The following PCDH17 variants were observed in gnomAD, a reference collection of about 807,000 sequenced individuals.
PCDH17 encodes protocadherin 17, also known as protocadherin-17.
PCDH17 carries 21 observed loss-of-function variants against 67.7 expected under a neutral mutation model. The ratio of observed to expected loss-of-function variants is 0.31; its 90% CI spans 0.22 to 0.45. The LOEUF is 0.45. Ranked by LOEUF, PCDH17 falls within the 20% of genes least tolerant of loss-of-function variation. The pLI, the probability that PCDH17 is intolerant of heterozygous loss-of-function variation, is 1.00. For missense variants in PCDH17, 1,471 were observed against 1,564.8 expected, an observed-to-expected ratio of 0.94 and a Z score of 1.01; for synonymous variants, 701 against 656.7, an observed-to-expected ratio of 1.07 and a Z score of -1.03.
chr13:57,666,967 G>T, intron 3 of PCDH17, 134 bp downstream of exon 3: 1 of 675,586 alleles, frequency 1.5e-6, no homozygotes. Flanking sequence ...AAATCTTGAG[G>T]TTGCCCCAGA....
chr13:57,663,766 T>A (rs1261061211), intron 1 of PCDH17, among the ~76,000 whole-genome samples: 2 of 152,162 alleles, frequency 1.3e-5, no homozygotes, highest in African/African-American at 4.8e-5. Context: ...TTTGTGAAAT[T>A]CTATAATTAG....
rs1298581335 is a variant in PCDH17, at chr13:57,671,404, T to A, written c.2797+4571T>A. On this transcript the variant is annotated intron_variant, in intron 3 of 3. Coordinates refer to ENST00000377918, the MANE Select transcript of PCDH17 (RefSeq NM_001040429.3). ...GAAAATAAATATAGTATTAGTTCTG[T>A]AAAGAAGAGCTACCTATAGTTTTAT... 6.6e-5 allele frequency among the ~76,000 whole-genome samples: 10 copies of A among 151,872 alleles called. No homozygotes were observed. In the East Asian group the frequency reaches 1.9e-3, roughly 29 times the overall value.
intron 3 of PCDH17, among the ~76,000 whole-genome samples, chr13:57,723,299 T>C (rs976741372): frequency 6.6e-6 from 1 of 152,198 alleles, no homozygotes; most frequent in Non-Finnish European, 1.5e-5. Context: ...AATTGTTTTA[T>C]CTTAAAACCT....
rs369545682 is a variant in PCDH17, at chr13:57,633,926, C to A, written c.1380C>A (p.Ile460=). The A allele has an allele frequency of 6.2e-7, 1 of 1,613,454 alleles. No homozygotes were observed. Among genetic ancestry groups the A allele is most frequent in the South Asian group, 1.1e-5 (1 of 91,076 alleles). ...PPLNSTKSFA[I]KILDENDNPP... is the part of the protein sequence containing the mutation. ...TCAACTCCACCAAGTCGTTCGCGAT[C>A]AAGATTCTAGACGAGAACGACAACC... The change falls in exon 1 of 4, where the codon ATC becomes ATA. Residue 460 remains isoleucine (I), a synonymous_variant. Transcript: ENST00000377918. The surrounding 1 kb of genome is among the most constrained non-coding windows in gnomAD (Gnocchi z 6.2).
Position 57,634,469 on chromosome 13 carries a change from C to G in PCDH17, c.1923C>G (p.Ser641=), listed in dbSNP as rs1256652683. ...NDDHLFEIDP[S]SGEIRTLHPF... is the part of the protein sequence containing the mutation. ...ACCACCTGTTTGAGATCGACCCGTC[C>G]AGCGGCGAGATCCGCACGCTGCACC... is the stretch of plus-strand genomic sequence containing the variant. The change falls in exon 1 of 4, where the codon TCC becomes TCG. Residue 641 remains serine, a synonymous_variant. Transcript: ENST00000377918. The surrounding 1 kb of genome is among the most constrained non-coding windows in gnomAD (Gnocchi z 7.8). 1.2e-6 allele frequency: 2 copies of G among 1,612,866 alleles called. No individual in the cohort carries two copies. The highest frequency in any genetic ancestry group is 1.7e-4 in the Middle Eastern group (1 of 6,060).
chr13:57,683,130 C>T (rs1425040048), intron 3 of PCDH17, among the ~76,000 whole-genome samples: 1 of 151,748 alleles, frequency 6.6e-6, no homozygotes, highest in Non-Finnish European at 1.5e-5. Context: ...TCACAGTGGC[C>T]ATAGCCCATG....
intron 3 of PCDH17, among the ~76,000 whole-genome samples, chr13:57,672,682 T>C (rs1415456200): frequency 6.6e-6 from 1 of 152,018 alleles, no homozygotes; most frequent in Non-Finnish European, 1.5e-5. Flanking sequence ...ATCTTCCCTA[T>C]AACTGACACT....
chr13:57,650,820 A>AT (rs1312030959), intron 1 of PCDH17, among the ~76,000 whole-genome samples: 5 of 152,122 alleles, frequency 3.3e-5, no homozygotes, highest in Admixed American at 3.3e-4. Context: ...ACCATTGTTA[A>AT]TTTTTTGTTG....
At chr13:57,700,448 A>G (rs1423445222) in intron 3 of PCDH17, among the ~76,000 whole-genome samples, 4 of 151,628 alleles carry the variant, frequency 2.6e-5, no homozygotes, top group Non-Finnish European at 5.9e-5. Flanking sequence ...CTTTCTGACT[A>G]GCTGGGACTA....
intron 1 of PCDH17, among the ~76,000 whole-genome samples, 187 bp from the exon 2 acceptor site, chr13:57,666,281 G>T (rs1015061467): frequency 5.3e-5 from 8 of 152,030 alleles, no homozygotes; most frequent in Non-Finnish European, 1.2e-4. Context: ...TTTGTGGACC[G>T]GAATCATTTA....
intron 3 of PCDH17, among the ~76,000 whole-genome samples, chr13:57,668,376 T>G (rs1335659588): frequency 1.3e-5 from 2 of 152,048 alleles, no homozygotes; most frequent in Non-Finnish European, 2.9e-5. Flanking sequence ...TGAAGAGTTT[T>G]TTGTATCTTT....
intron 1 of PCDH17, among the ~76,000 whole-genome samples, chr13:57,651,841 T>C (rs1373629306): frequency 6.6e-6 from 1 of 150,534 alleles, no homozygotes; most frequent in Non-Finnish European, 1.5e-5. Flanking sequence ...TAACACATAT[T>C]ATTATTGTTG....
At chr13:57,699,748 A>G (rs1593937146) in intron 3 of PCDH17, among the ~76,000 whole-genome samples, 1 of 152,126 alleles carries the variant, frequency 6.6e-6, no homozygotes, top group Non-Finnish European at 1.5e-5. Context: ...AAGATCTTCT[A>G]CCGCATTTTT....
intron 3 of PCDH17, among the ~76,000 whole-genome samples, chr13:57,671,438 A>C (rs1253616431): frequency 1.3e-5 from 2 of 151,848 alleles, no homozygotes; most frequent in Non-Finnish European, 2.9e-5. Context: ...ATAAATAATA[A>C]AACTTTTTTA....
intron 3 of PCDH17, among the ~76,000 whole-genome samples, chr13:57,721,940 CAGTT>C (rs1388735549): frequency 6.6e-6 from 1 of 152,118 alleles, no homozygotes; most frequent in Non-Finnish European, 1.5e-5. Flanking sequence ...TGACCCTTGA[CAGTT>C]AGAGTTCATT....
At chr13:57,630,395 G>T, upstream of PCDH17, among the ~76,000 whole-genome samples, 1 of 150,806 alleles carries the variant, frequency 6.6e-6, no homozygotes, top group African/African-American at 2.4e-5. Context: ...ACAATTAACT[G>T]TACACATCGA....
At chr13:57,640,310 T>C (rs892941551) in intron 1 of PCDH17, among the ~76,000 whole-genome samples, 2 of 152,006 alleles carry the variant, frequency 1.3e-5, no homozygotes, top group Non-Finnish European at 2.9e-5. Context: ...AAAATTCACA[T>C]GCATTTATTG....
intron 3 of PCDH17, among the ~76,000 whole-genome samples, chr13:57,667,600 A>G (rs1241706953): frequency 2.0e-5 from 3 of 151,874 alleles, no homozygotes; most frequent in Non-Finnish European, 4.4e-5. Flanking sequence ...TGTAGTTGAT[A>G]TAGTAACAGT....
intron 3 of PCDH17, among the ~76,000 whole-genome samples, chr13:57,704,944 A>G (rs1364379258): frequency 6.6e-6 from 1 of 152,142 alleles, no homozygotes; most frequent in Admixed American, 6.6e-5. Flanking sequence ...GTATATATGT[A>G]TATTATGTAT....
Sources: allele counts gnomAD v4.1 joint callset (sites outside exome capture counted in the v4.1 genomes callset), GRCh38; gene constraint gnomAD v4.1.1; non-coding constraint Gnocchi (gnomAD v3.1); transcripts MANE v1.5; gene names NCBI Gene and HGNC (gene_info 2026-07-23, HGNC 2026-07-21).